ATP6V1A: variants seen among roughly 807,000 people sequenced by gnomAD.
ATP6V1A encodes ATPase H+ transporting V1 subunit A, also known as V-type proton ATPase catalytic subunit A.
Under a neutral mutation model 70.1 loss-of-function variants are expected in ATP6V1A, and 18 were observed. That is an observed-to-expected ratio of 0.26 (90% CI 0.18 to 0.38). The LOEUF (loss-of-function observed/expected upper bound fraction) is 0.38, where lower values mean the gene tolerates loss of function less well. Ranked by LOEUF, ATP6V1A falls within the 10% of genes least tolerant of loss-of-function variation. ATP6V1A has a pLI of 1.00. For missense variants in ATP6V1A, 424 were observed against 772.4 expected (o/e 0.55, Z 5.35); for synonymous variants, 232 against 253.8 (o/e 0.91, Z 0.82).
At chr3:113,796,392 G>A (rs919127633) in intron 11 of ATP6V1A, among the ~76,000 whole-genome samples, 2 of 152,166 alleles carry the variant, frequency 1.3e-5, no homozygotes, top group African/African-American at 4.8e-5. Context: ...GTGATCATCT[G>A]CATCTAGCTG....
At chr3:113,802,300 A>G (rs1459621286) in intron 12 of ATP6V1A, among the ~76,000 whole-genome samples, 2 of 152,194 alleles carry the variant, frequency 1.3e-5, no homozygotes, top group African/African-American at 4.8e-5. Context: ...GTGAAGAGGT[A>G]TTTCAAGAAA....
rs769970701 is a variant in ATP6V1A, at chr3:113,784,677, C to G, written c.427-19C>G. ...TGACATTTATTTGCAAATTAAACAG[C>G]AAATACATTTATCTCTAGGTTGGTA... On this transcript the variant is annotated intron_variant, in intron 4 of 14. Transcript: ENST00000273398. The G allele has an allele frequency of 6.2e-7, 1 of 1,611,082 alleles. No individual in the cohort carries two copies. The highest frequency in any genetic ancestry group is 1.3e-5 in the African/African-American group (1 of 74,880).
At chr3:113,753,693 C>CTTTTTTTTTTTTTTTTTT (rs11375661) in intron 1 of ATP6V1A, among the ~76,000 whole-genome samples, 1 of 141,098 alleles carries the variant, frequency 7.1e-6, no homozygotes, top group Non-Finnish European at 1.5e-5. Context: ...TATCATGTGT[C>CTTTTTTTTTTTTTTTTTT]TTTTTTTTTT....
intron 1 of ATP6V1A, among the ~76,000 whole-genome samples, chr3:113,756,928 G>A (rs945600322): frequency 6.6e-5 from 10 of 152,206 alleles, no homozygotes; most frequent in African/African-American, 1.4e-4. Context: ...TTGATAATCC[G>A]TGAGTCCTAG....
intron 1 of ATP6V1A, among the ~76,000 whole-genome samples, chr3:113,774,789 G>C (rs1185989915): frequency 6.6e-6 from 1 of 151,270 alleles, no homozygotes; most frequent in Non-Finnish European, 1.5e-5. Flanking sequence ...CTCCAGCCTG[G>C]GTGACAGAGT....
intron 8 of ATP6V1A, among the ~76,000 whole-genome samples, chr3:113,792,730 G>A (rs180996305): frequency 8.5e-5 from 13 of 152,256 alleles, no homozygotes; most frequent in African/African-American, 2.4e-4. Context: ...CCTTCAAAAG[G>A]GCTAACTGTG....
intron 1 of ATP6V1A, among the ~76,000 whole-genome samples, chr3:113,755,733 G>A (rs1035636944): frequency 6.6e-5 from 10 of 152,132 alleles, no homozygotes; most frequent in African/African-American, 1.4e-4. Flanking sequence ...TCAGTTGAAT[G>A]GGTAATACAT....
At chr3:113,793,051 GT>G (rs1298702396) in intron 8 of ATP6V1A, among the ~76,000 whole-genome samples, 1 of 150,502 alleles carries the variant, frequency 6.6e-6, no homozygotes, top group Admixed American at 6.6e-5. Flanking sequence ...GTTTTTTGTT[GT>G]TTTTTTTTGT....
intron 5 of ATP6V1A, among the ~76,000 whole-genome samples, chr3:113,785,070 C>G (rs1005406214): frequency 2.6e-5 from 4 of 152,154 alleles, no homozygotes; most frequent in Non-Finnish European, 5.9e-5. Flanking sequence ...TTAACTGATG[C>G]TACATTTATT....
At chr3:113,762,856 C>T (rs1209709253) in intron 1 of ATP6V1A, among the ~76,000 whole-genome samples, 1 of 151,966 alleles carries the variant, frequency 6.6e-6, no homozygotes, top group Non-Finnish European at 1.5e-5. Flanking sequence ...TCTAATATTG[C>T]AGTATAACAA....
chr3:113,751,938 A>G (rs988742520), intron 1 of ATP6V1A, among the ~76,000 whole-genome samples: 1 of 151,890 alleles, frequency 6.6e-6, no homozygotes, highest in Non-Finnish European at 1.5e-5. Flanking sequence ...AATTAATGGT[A>G]TATCATAAGT....
In ATP6V1A at chr3:113,769,820, C is replaced by T. The variant is rs539299361; in HGVS notation, c.-13-8921C>T. On this transcript the variant is annotated intron_variant, in intron 1 of 14. Transcript: ENST00000273398. ...ACAGGGTTTTGGTTTTTGTTTAAAT[C>T]TTTCACAAATTGGGTAGGGAGGGGC... Among the ~76,000 whole-genome samples the T allele has an allele frequency of 1.5e-4, 23 of 152,152 alleles. No individual in the cohort carries two copies. The South Asian group carries it at 2.7e-3, about 18-fold the overall frequency.
At chr3:113,776,248 A>G (rs1342516486) in intron 1 of ATP6V1A, among the ~76,000 whole-genome samples, 1 of 145,182 alleles carries the variant, frequency 6.9e-6, no homozygotes, top group African/African-American at 2.5e-5. Flanking sequence ...CATGCCAACT[A>G]CTGGGTGGGG....
In ATP6V1A at chr3:113,800,475, A is replaced by G. The variant is rs1179548105; in HGVS notation, c.1494+2029A>G. Among the ~76,000 whole-genome samples, 6 of 152,170 alleles carry G rather than the reference A, an allele frequency of 3.9e-5. No individual in the cohort carries two copies. In the East Asian group the frequency reaches 1.2e-3, roughly 29 times the overall value. On this transcript the variant is annotated intron_variant, in intron 12 of 14. Coordinates refer to ENST00000273398, the MANE Select transcript of ATP6V1A (RefSeq NM_001690.4). ...AGATAGACTTGTGATTGTATAAACG[A>G]TTGATATTGCAAAGATGGTACCGAA...
At chr3:113,807,301 C>T (rs563085019) in intron 14 of ATP6V1A, among the ~76,000 whole-genome samples, 7 of 151,928 alleles carry the variant, frequency 4.6e-5, no homozygotes, top group African/African-American at 1.7e-4. Flanking sequence ...CTGCCTCAGC[C>T]TCCCAAGTAG....
At chr3:113,795,831 T>C in intron 10 of ATP6V1A, 45 bp from the exon 11 acceptor site, 1 of 1,483,036 alleles carries the variant, frequency 6.7e-7, no homozygotes, top group Non-Finnish European at 9.3e-7. Flanking sequence ...TAAGCATTTC[T>C]AATGACCATT....
chr3:113,764,911 A>T (rs548548808), intron 1 of ATP6V1A, among the ~76,000 whole-genome samples: 1 of 151,722 alleles, frequency 6.6e-6, no homozygotes, highest in African/African-American at 2.4e-5. Flanking sequence ...GGTGGAGGTT[A>T]CAGTGAGCTG....
rs1709344168 is a variant in ATP6V1A at position 113,811,779 on chromosome 3, T to C, written c.*2352T>C. On this transcript the variant is annotated 3_prime_UTR_variant, in exon 15 of 15. Coordinates refer to ENST00000273398, the MANE Select transcript of ATP6V1A (RefSeq NM_001690.4). Reference sequence around the variant, plus strand: ...ATAGTATGTATTTCTTTAGTAAGAATGTGTTAAAATTACAATGATCTTTTA... The same window carrying C: ...ATAGTATGTATTTCTTTAGTAAGAACGTGTTAAAATTACAATGATCTTTTA... 6.5e-6 allele frequency: 1 copy of C among 152,676 alleles called. No individual in the cohort carries two copies. The allele number at this position is 152,676 out of a possible 1,614,324, so 9.5% of individuals were successfully genotyped here. A position where few individuals can be genotyped will look rare whatever the true frequency, so the allele number is the denominator to read the frequency against.
chr3:113,767,922 A>G (rs1342654856), intron 1 of ATP6V1A, among the ~76,000 whole-genome samples: 1 of 152,176 alleles, frequency 6.6e-6, no homozygotes, highest in Non-Finnish European at 1.5e-5. Context: ...AAGTGCTGGG[A>G]TGTGAGCCAC....
Sources: gnomAD v4.1 joint callset for allele counts (sites outside exome capture counted in the v4.1 genomes callset) on GRCh38, gnomAD v4.1.1 for gene constraint, MANE v1.5 for transcripts, NCBI Gene and HGNC (gene_info 2026-07-23, HGNC 2026-07-21) for gene names.